The following GPC6 variants were observed in gnomAD, a reference collection of about 807,000 sequenced individuals.
GPC6 encodes glypican 6.
GPC6 carries 14 observed loss-of-function variants against 55.2 expected under a neutral mutation model. That is an observed-to-expected ratio of 0.25 (90% CI 0.17 to 0.40). The LOEUF (loss-of-function observed/expected upper bound fraction) is 0.40, where lower values mean the gene tolerates loss of function less well. Among genes scored for constraint, GPC6 ranks in the 10% least tolerant of loss-of-function variants. The pLI, the probability that GPC6 is intolerant of heterozygous loss-of-function variation, is 1.00. For synonymous variants in GPC6, 278 were observed against 259.6 expected (o/e 1.07, Z -0.68); for missense variants, 641 against 708.5 (o/e 0.90, Z 1.08).
intron 4 of GPC6, among the ~76,000 whole-genome samples, chr13:94,108,091 T>C (rs985264686): frequency 6.6e-6 from 1 of 152,092 alleles, no homozygotes; most frequent in African/African-American, 2.4e-5. Context: ...TAAACATGCA[T>C]GTTTATAGTA....
At chr13:94,224,554 C>A (rs1215232985) in intron 4 of GPC6, among the ~76,000 whole-genome samples, 1 of 151,756 alleles carries the variant, frequency 6.6e-6, no homozygotes, top group Non-Finnish European at 1.5e-5. Flanking sequence ...CAGAAAGACC[C>A]AAATCAGAAC....
chr13:94,033,241 G>T (rs1883205614), intron 4 of GPC6, among the ~76,000 whole-genome samples: 1 of 152,194 alleles, frequency 6.6e-6, no homozygotes, highest in South Asian at 2.1e-4. Context: ...AGGGATGGCA[G>T]AAACAAATCA....
At chr13:94,015,016 G>A (rs879388756) in intron 3 of GPC6, among the ~76,000 whole-genome samples, 3 of 152,154 alleles carry the variant, frequency 2.0e-5, no homozygotes, top group Admixed American at 1.3e-4. Flanking sequence ...AGTTTTTTGG[G>A]TGATGTATAT....
chr13:93,532,089 G>T (rs2139414572), intron 1 of GPC6, among the ~76,000 whole-genome samples: 1 of 152,288 alleles, frequency 6.6e-6, no homozygotes, highest in Admixed American at 6.5e-5. Context: ...AAAGCTTCCT[G>T]TTTTGCCCAA....
chr13:93,601,242 G>T (rs914480575), intron 2 of GPC6, among the ~76,000 whole-genome samples: 9 of 151,858 alleles, frequency 5.9e-5, no homozygotes, highest in African/African-American at 2.2e-4. Context: ...AAATTAACCA[G>T]GTGTGATGGT....
chr13:94,193,687 C>G (rs1408454587), intron 4 of GPC6, among the ~76,000 whole-genome samples: 1 of 152,072 alleles, frequency 6.6e-6, no homozygotes, highest in East Asian at 1.9e-4. Context: ...GTGGGCTAGC[C>G]CGACTACAAA....
intron 4 of GPC6, among the ~76,000 whole-genome samples, chr13:94,092,535 G>A (rs1336002930): frequency 6.6e-6 from 1 of 151,994 alleles, no homozygotes; most frequent in Non-Finnish European, 1.5e-5. Flanking sequence ...TTCATCTGTT[G>A]ATGGATACTT....
At chr13:93,261,355 G>A (rs1457228547) in intron 1 of GPC6, among the ~76,000 whole-genome samples, 2 of 152,166 alleles carry the variant, frequency 1.3e-5, no homozygotes, top group African/African-American at 2.4e-5. Flanking sequence ...CATCTTTCCA[G>A]GAATGATTCT....
At chr13:94,221,866 T>C (rs984590332) in intron 4 of GPC6, among the ~76,000 whole-genome samples, 2 of 152,102 alleles carry the variant, frequency 1.3e-5, no homozygotes, top group African/African-American at 4.8e-5. Context: ...AAAAACTTGC[T>C]CATTTGCATT....
chr13:93,833,694 A>T (rs192410439), intron 3 of GPC6, among the ~76,000 whole-genome samples: 7 of 152,306 alleles, frequency 4.6e-5, no homozygotes, highest in African/African-American at 1.7e-4. Flanking sequence ...AGAACACAGC[A>T]GTTTGACACA....
intron 3 of GPC6, among the ~76,000 whole-genome samples, chr13:93,866,560 C>A (rs1478243687): frequency 2.6e-5 from 4 of 151,742 alleles, no homozygotes; most frequent in Non-Finnish European, 5.9e-5. Context: ...AAGATCATTT[C>A]ATTTGCAGGG....
intron 6 of GPC6, among the ~76,000 whole-genome samples, chr13:94,372,407 C>T (rs1348180957): frequency 6.6e-6 from 1 of 152,206 alleles, no homozygotes; most frequent in African/African-American, 2.4e-5. Context: ...TTGGGAAGCG[C>T]AAGGGGTCAG....
intron 4 of GPC6, among the ~76,000 whole-genome samples, chr13:94,029,770 T>C (rs1340329846): frequency 2.0e-5 from 3 of 152,222 alleles, no homozygotes; most frequent in African/African-American, 4.8e-5. Context: ...CAGTGACTTC[T>C]TAATTGGCTT....
At chr13:93,899,195 A>G (rs1446532453) in intron 3 of GPC6, among the ~76,000 whole-genome samples, 2 of 151,852 alleles carry the variant, frequency 1.3e-5, no homozygotes, top group Non-Finnish European at 2.9e-5. Flanking sequence ...TGACCATTAA[A>G]TATTCACTGT....
chr13:94,132,103 C>A (rs1442812625), intron 4 of GPC6, among the ~76,000 whole-genome samples: 1 of 152,040 alleles, frequency 6.6e-6, no homozygotes, highest in Non-Finnish European at 1.5e-5. Flanking sequence ...AAGGTGATTC[C>A]AGAGCGCACG....
At chr13:93,711,039 C>T (rs559553632) in intron 2 of GPC6, among the ~76,000 whole-genome samples, 1 of 151,678 alleles carries the variant, frequency 6.6e-6, no homozygotes, top group African/African-American at 2.4e-5. Context: ...TGAATATGAC[C>T]ATATGTTTAA....
At chr13:93,234,953 T>TA (rs1432434401) in intron 1 of GPC6, among the ~76,000 whole-genome samples, 1 of 152,096 alleles carries the variant, frequency 6.6e-6, no homozygotes, top group East Asian at 1.9e-4. Flanking sequence ...ACTATCAAAA[T>TA]ACATGTAATC....
At chr13:93,516,960 A>G (rs1881223982) in intron 1 of GPC6, among the ~76,000 whole-genome samples, 1 of 152,164 alleles carries the variant, frequency 6.6e-6, no homozygotes, top group Non-Finnish European at 1.5e-5. Context: ...CAATAGTACA[A>G]AGAGACTTTG....
At chr13:93,957,500 T>A (rs958201698) in intron 3 of GPC6, among the ~76,000 whole-genome samples, 2 of 152,192 alleles carry the variant, frequency 1.3e-5, no homozygotes, top group Middle Eastern at 3.2e-3. Flanking sequence ...CCTGCATTAG[T>A]TGGCTTAGGA....
Sources: gnomAD v4.1 joint callset for allele counts (sites outside exome capture counted in the v4.1 genomes callset) on GRCh38, gnomAD v4.1.1 for gene constraint, MANE v1.5 for transcripts, NCBI Gene and HGNC (gene_info 2026-07-23, HGNC 2026-07-21) for gene names.